The following RREB1 variants were observed in gnomAD, a reference collection of about 807,000 sequenced individuals.
RREB1 encodes the protein ras-responsive element-binding protein 1.
RREB1 carries 27 observed loss-of-function variants against 117.8 expected under a neutral mutation model. The ratio of observed to expected loss-of-function variants is 0.23; its 90% CI spans 0.17 to 0.32. The LOEUF (loss-of-function observed/expected upper bound fraction) is 0.32. Among genes scored for constraint, RREB1 ranks in the 10% least tolerant of loss-of-function variants. The pLI is 1.00. For synonymous variants in RREB1, 1,298 were observed against 1,026.7 expected, an observed-to-expected ratio of 1.26 and a Z score of -5.05; for missense variants, 2,577 against 2,378.2, an observed-to-expected ratio of 1.08 and a Z score of -1.74.
intron 1 of RREB1, among the ~76,000 whole-genome samples, chr6:7,165,014 C>G (rs1282307091): frequency 6.6e-6 from 1 of 152,238 alleles, no homozygotes; most frequent in African/African-American, 2.4e-5. Context: ...GTGTTTGCAG[C>G]AGACAGAAAG....
At chr6:7,141,622 C>T (rs1408840806) in intron 1 of RREB1, among the ~76,000 whole-genome samples, 1 of 152,216 alleles carries the variant, frequency 6.6e-6, no homozygotes, top group Non-Finnish European at 1.5e-5. Flanking sequence ...TCCCCGATGG[C>T]TATTTCAGAA....
chr6:7,127,247 C>G (rs528521640), intron 1 of RREB1, among the ~76,000 whole-genome samples: 4 of 151,968 alleles, frequency 2.6e-5, no homozygotes, highest in Non-Finnish European at 5.9e-5. Context: ...GTGAGCAGCT[C>G]TGTGGTTCAG....
chr6:7,114,714 T>C (rs1761311697), intron 1 of RREB1, among the ~76,000 whole-genome samples: 1 of 152,336 alleles, frequency 6.6e-6, no homozygotes, highest in African/African-American at 2.4e-5. Context: ...TAAGCTCTTA[T>C]TTGCCTCTGA....
chr6:7,210,541 G>C (rs1766522904), intron 6 of RREB1, among the ~76,000 whole-genome samples: 1 of 152,164 alleles, frequency 6.6e-6, no homozygotes, highest in South Asian at 2.1e-4. Context: ...GTTTCATCTT[G>C]TTAATGTCAG....
At chr6:7,148,543 G>A (rs1054141426) in intron 1 of RREB1, among the ~76,000 whole-genome samples, 3 of 117,738 alleles carry the variant, frequency 2.5e-5, no homozygotes, top group African/African-American at 4.6e-5. Flanking sequence ...AAAGTAAAGT[G>A]GGGGGGGGTG....
In RREB1 at chr6:7,246,066, G is replaced by A. The variant is rs564035927; in HGVS notation, c.3974-358G>A. Among the ~76,000 whole-genome samples, 15 of 152,248 alleles carry A rather than the reference G, an allele frequency of 9.9e-5. No individual in the cohort carries two copies. In the South Asian group the frequency reaches 2.9e-3, roughly 29 times the overall value. ...CTCAAGCTTCCTCAACTTCCCTAGC[G>A]CTGCGAGTCTCTGGAATGCACCCCT... On this transcript the variant is annotated intron_variant, in intron 11 of 12. Transcript: ENST00000379938.
rs1391695525 is a variant in RREB1 at position 7,220,455 on chromosome 6, A to T, written c.708-6012A>T. Among the ~76,000 whole-genome samples, 3 of 151,958 alleles carry T rather than the reference A, an allele frequency of 2.0e-5. No individual in the cohort carries two copies. The East Asian group carries it at 5.8e-4, about 29-fold the overall frequency. On this transcript the variant is annotated intron_variant, in intron 8 of 12. Coordinates refer to ENST00000379938, the MANE Select transcript of RREB1 (RefSeq NM_001003699.4). ...TTCTTCCTAAAAGTAATGTAGTGTG[A>T]TTTTAAAAGAAAAAGAAAGTTTTGT... is the stretch of plus-strand genomic sequence containing the variant.
At chr6:7,242,621 G>GGT (rs1249112373) in intron 11 of RREB1, among the ~76,000 whole-genome samples, 1 of 144,608 alleles carries the variant, frequency 6.9e-6, no homozygotes, top group African/African-American at 2.6e-5. Flanking sequence ...ATGGACATGG[G>GGT]GTGAAGCCTT....
intron 1 of RREB1, among the ~76,000 whole-genome samples, chr6:7,118,959 T>G (rs1056016743): frequency 6.6e-6 from 1 of 151,740 alleles, no homozygotes; most frequent in Non-Finnish European, 1.5e-5. Context: ...TCCCATGGTG[T>G]TATTATTTTT....
chr6:7,222,473 C>T (rs1219586141), intron 8 of RREB1, among the ~76,000 whole-genome samples: 3 of 152,174 alleles, frequency 2.0e-5, no homozygotes, highest in African/African-American at 7.2e-5. Flanking sequence ...CCCCCTACCA[C>T]CCACTGTTCC....
intron 1 of RREB1, among the ~76,000 whole-genome samples, chr6:7,130,106 G>A (rs1762088979): frequency 6.6e-6 from 1 of 152,166 alleles, no homozygotes; most frequent in South Asian, 2.1e-4. Context: ...TTTGCCTGTT[G>A]CTGTTCTCTG....
chr6:7,233,068 G>GT (rs1462006546), intron 10 of RREB1, among the ~76,000 whole-genome samples: 1 of 151,968 alleles, frequency 6.6e-6, no homozygotes, highest in African/African-American at 2.4e-5. Flanking sequence ...GCTAATTTTT[G>GT]TATTTTTAGT....
At chr6:7,197,307 A>T (rs1222658823) in intron 6 of RREB1, among the ~76,000 whole-genome samples, 1 of 152,230 alleles carries the variant, frequency 6.6e-6, no homozygotes, top group East Asian at 1.9e-4. Flanking sequence ...GTTGTGGAGC[A>T]TGTCTTACAT....
At chr6:7,209,300 T>A (rs1161067118) in intron 6 of RREB1, among the ~76,000 whole-genome samples, 9 of 152,228 alleles carry the variant, frequency 5.9e-5, no homozygotes. Context: ...AAGGGCAGGT[T>A]TGATGCTAGT....
At chr6:7,222,028 A>G (rs370881408) in intron 8 of RREB1, among the ~76,000 whole-genome samples, 85 of 152,320 alleles carry the variant, frequency 5.6e-4, no homozygotes, top group African/African-American at 2.0e-3. Flanking sequence ...GTTTTAGATG[A>G]GAAGGGAAAC....
At position 7,231,789 on chromosome 6, in the gene RREB1, G is replaced by A. The variant is rs1486334722; in HGVS notation, c.3690G>A (p.Lys1230=). 2 of 1,613,674 alleles carry A rather than the reference G, an allele frequency of 1.2e-6. No individual in the cohort carries two copies. The highest frequency in any genetic ancestry group is 1.3e-5 in the African/African-American group (1 of 74,940). ...AGCAGGGCAGTCCCCCAGAAGACAA[G>A]CTGCTGAGGGCCAAGCGGAACTCGT... ...DEEQGSPPED[K]LLRAKRNSYT... Residue 1230 remains lysine, a synonymous_variant, in exon 10 of 13, where the codon AAG becomes AAA. Transcript: ENST00000379938.
chr6:7,156,446 C>T (rs1763365312), intron 1 of RREB1, among the ~76,000 whole-genome samples: 1 of 152,176 alleles, frequency 6.6e-6, no homozygotes, highest in Admixed American at 6.5e-5. Flanking sequence ...GAACACTGTG[C>T]CCTTGATGTG....
chr6:7,172,431 CAG>C (rs1764260302), intron 1 of RREB1, among the ~76,000 whole-genome samples: 1 of 149,982 alleles, frequency 6.7e-6, no homozygotes, highest in Non-Finnish European at 1.5e-5. Flanking sequence ...TTTTCTGTAT[CAG>C]AGATGGGTTT....
At chr6:7,221,641 T>C (rs1450724431) in intron 8 of RREB1, among the ~76,000 whole-genome samples, 1 of 152,218 alleles carries the variant, frequency 6.6e-6, no homozygotes, top group African/African-American at 2.4e-5. Flanking sequence ...ATCACCTTGC[T>C]TAGACTCTGT....
Sources: gnomAD v4.1 joint callset for allele counts (sites outside exome capture counted in the v4.1 genomes callset) on GRCh38, gnomAD v4.1.1 for gene constraint, MANE v1.5 for transcripts, NCBI Gene and HGNC (gene_info 2026-07-23, HGNC 2026-07-21) for gene names.